USP47: variants seen among roughly 807,000 people sequenced by gnomAD.
USP47 encodes the protein ubiquitin specific peptidase 47, also known as ubiquitin carboxyl-terminal hydrolase 47.
A neutral mutation model predicts 165.1 loss-of-function variants in USP47; 35 were observed. The observed-to-expected ratio is 0.21, with a 90% CI of 0.16 to 0.28. The LOEUF (loss-of-function observed/expected upper bound fraction) is 0.28, where lower values mean the gene tolerates loss of function less well. USP47 is among the 10% of genes least tolerant of loss of function. The pLI, the probability that USP47 is intolerant of heterozygous loss-of-function variation, is 1.00. For synonymous variants in USP47, 531 were observed against 544.5 expected (o/e 0.98, Z 0.35); for missense variants, 1,277 against 1,607.4 (o/e 0.79, Z 3.52).
intron 6 of USP47, 133 bp downstream of exon 6, chr11:11,902,993 C>G: frequency 2.0e-6 from 2 of 997,576 alleles, no homozygotes; most frequent in Non-Finnish European, 2.8e-6. Flanking sequence ...CATATATTTT[C>G]TAACACATTT....
chr11:11,941,828 C>G (rs1855494234), intron 19 of USP47, among the ~76,000 whole-genome samples: 2 of 151,856 alleles, frequency 1.3e-5, no homozygotes, highest in Admixed American at 6.6e-5. Context: ...TGTAAATTTT[C>G]CTGTGTCTTT....
intron 10 of USP47, among the ~76,000 whole-genome samples, chr11:11,921,464 A>C (rs1009576948): frequency 2.0e-5 from 3 of 151,866 alleles, no homozygotes; most frequent in Non-Finnish European, 4.4e-5. Flanking sequence ...TGGATAATTC[A>C]TAAAACCTTT....
Position 11,946,833 on chromosome 11 carries a change from A to G in USP47, c.3092-1112A>G, listed in dbSNP as rs531576509. 2.6e-5 allele frequency among the ~76,000 whole-genome samples: 4 copies of G among 152,328 alleles called. No homozygotes were observed. In the East Asian group the frequency reaches 7.7e-4, roughly 29 times the overall value. Reference sequence around the variant, plus strand: ...CATCACCCTCTTCATACTTTCTTCTAATTTGTTCTTGTCACATTTTCTATT... The same window carrying G: ...CATCACCCTCTTCATACTTTCTTCTGATTTGTTCTTGTCACATTTTCTATT... On this transcript the variant is annotated intron_variant, in intron 20 of 27. Transcript: ENST00000527733.
chr11:11,945,390 T>C (rs912872054), intron 20 of USP47, among the ~76,000 whole-genome samples: 1 of 152,186 alleles, frequency 6.6e-6, no homozygotes, highest in African/African-American at 2.4e-5. Flanking sequence ...TAAAGAATGA[T>C]GCACTATGCA....
At chr11:11,930,614 C>G in intron 13 of USP47, 82 bp from the exon 14 acceptor site, 1 of 1,060,228 alleles carries the variant, frequency 9.4e-7, no homozygotes, top group East Asian at 2.5e-5. Flanking sequence ...TAAAAAATCA[C>G]AATTTAAATA....
chr11:11,953,297 G>A (rs1327280494), intron 25 of USP47, among the ~76,000 whole-genome samples: 1 of 152,154 alleles, frequency 6.6e-6, no homozygotes. Flanking sequence ...TGGGGAAAGG[G>A]TGAATTAGTC....
rs1055616920 is a variant in USP47 at position 11,922,335 on chromosome 11, G to T, written c.1219-389G>T. 2.6e-5 allele frequency among the ~76,000 whole-genome samples: 4 copies of T among 151,868 alleles called. No homozygotes were observed. The East Asian group carries it at 5.8e-4, about 22-fold the overall frequency. On this transcript the variant is annotated intron_variant, in intron 10 of 27. Coordinates refer to ENST00000527733, the MANE Select transcript of USP47 (RefSeq NM_001282659.2). The stretch of plus-strand genomic sequence containing the variant: ...GAGTTGGACTTTTTGTTCAAGAAAA[G>T]AAATTATATTCTTTCCTGATTTGAG...
At chr11:11,865,741 A>G (rs926460899) in intron 1 of USP47, among the ~76,000 whole-genome samples, 11 of 149,710 alleles carry the variant, frequency 7.3e-5, no homozygotes, top group African/African-American at 2.7e-4. Flanking sequence ...TGAAGTCGTT[A>G]CTCTTTGTGG....
At chr11:11,940,672 T>C in intron 19 of USP47, 124 bp downstream of exon 19, 1 of 1,096,104 alleles carries the variant, frequency 9.1e-7, no homozygotes, top group Non-Finnish European at 1.3e-6. Flanking sequence ...TTTAAAATTC[T>C]CAACCCAGTA....
At chr11:11,921,527 C>T (rs1853837518) in intron 10 of USP47, among the ~76,000 whole-genome samples, 1 of 151,774 alleles carries the variant, frequency 6.6e-6, no homozygotes, top group Non-Finnish European at 1.5e-5. Flanking sequence ...TGAATGGTAA[C>T]TATGATCAAT....
chr11:11,897,648 T>C lies in USP47; in HGVS notation c.548T>C (p.Leu183Ser). The change falls in exon 5 of 28, where the codon TTG becomes TCG. Residue 183 changes from leucine (L) to serine (S), a missense_variant. Physicochemically the swap from Leu to Ser is moderately radical, Grantham distance 145 (BLOSUM62 -2). Transcript: ENST00000527733. The stretch of plus-strand genomic sequence containing the variant: ...ATGACTTGCTATTTGAATAGCCTTT[T>C]GCAAACACTTTTTATGACTCCTGAA... The part of the protein sequence containing the change: ...QAMTCYLNSL[L>S]QTLFMTPEFR... The C allele has an allele frequency of 6.2e-7, 1 of 1,611,756 alleles. No homozygotes were observed. The highest frequency in any genetic ancestry group is 8.5e-7 in the Non-Finnish European group (1 of 1,178,694).
intron 7 of USP47, 38 bp downstream of exon 7, chr11:11,903,380 A>G: frequency 6.4e-7 from 1 of 1,565,632 alleles, no homozygotes; most frequent in Non-Finnish European, 8.8e-7. Flanking sequence ...ACTGTTTCCT[A>G]ATAAATCACT....
At chr11:11,893,320 A>G (rs1851659372) in intron 4 of USP47, among the ~76,000 whole-genome samples, 1 of 152,246 alleles carries the variant, frequency 6.6e-6, no homozygotes, top group African/African-American at 2.4e-5. Flanking sequence ...CATGCTAAGT[A>G]TGGCTTCAGA....
chr11:11,871,126 G>A (rs1421265018), intron 1 of USP47, among the ~76,000 whole-genome samples: 1 of 152,082 alleles, frequency 6.6e-6, no homozygotes, highest in Non-Finnish European at 1.5e-5. Flanking sequence ...TTTAGATTAG[G>A]TCTAATTTGG....
At position 11,942,858 on chromosome 11, in the gene USP47, A is replaced by C. The variant is rs1170355503; in HGVS notation, c.2837A>C (p.His946Pro). 1.9e-6 allele frequency: 3 copies of C among 1,613,770 alleles called. No individual in the cohort carries two copies. Among genetic ancestry groups the C allele is most frequent in the Non-Finnish European group, 2.5e-6 (3 of 1,179,766 alleles). ...SVDSDILSSS[H>P]SSDTLCNADN... ...GACAGTGATATTCTTAGCTCCAGTC[A>C]TAGCAGTGATACTTTGTGCAATGCA... Residue 946 changes from histidine to proline, a missense_variant, in exon 20 of 28, where the codon CAT becomes CCT. Physicochemically the swap from His to Pro is moderately conservative, Grantham distance 77. Transcript: ENST00000527733.
At chr11:11,869,705 A>T (rs886482306) in intron 1 of USP47, among the ~76,000 whole-genome samples, 1 of 152,194 alleles carries the variant, frequency 6.6e-6, no homozygotes, top group South Asian at 2.1e-4. Flanking sequence ...TTCAAAATTC[A>T]TGTGGAAATT....
chr11:11,905,659 G>A, intron 8 of USP47, 111 bp downstream of exon 8: 1 of 1,110,412 alleles, frequency 9.0e-7, no homozygotes, highest in Non-Finnish European at 1.2e-6. Context: ...TTCTTGGGTT[G>A]TTAGTCATTC....
chr11:11,886,122 A>G (rs943512693), intron 3 of USP47, among the ~76,000 whole-genome samples: 2 of 152,258 alleles, frequency 1.3e-5, no homozygotes, highest in Non-Finnish European at 2.9e-5. Context: ...TCAAAGGTAG[A>G]TAAGCCCACA....
chr11:11,860,213 G>T (rs1849301649), intron 1 of USP47, among the ~76,000 whole-genome samples: 1 of 151,654 alleles, frequency 6.6e-6, no homozygotes, highest in African/African-American at 2.4e-5. Flanking sequence ...GCAATGGCGC[G>T]ATCTCGGCTC....
Sources: gnomAD v4.1 joint callset for allele counts (sites outside exome capture counted in the v4.1 genomes callset) on GRCh38, gnomAD v4.1.1 for gene constraint, MANE v1.5 for transcripts, NCBI Gene and HGNC (gene_info 2026-07-23, HGNC 2026-07-21) for gene names.